The following TNFRSF21 variants were observed in gnomAD, a reference collection of about 807,000 sequenced individuals.
TNFRSF21 encodes the protein TNF receptor superfamily member 21, also known as tumor necrosis factor receptor superfamily member 21.
In TNFRSF21, 19 loss-of-function variants were observed where a neutral mutation model predicts 45.6. The observed-to-expected ratio is 0.42, with a 90% CI of 0.29 to 0.61. The LOEUF (loss-of-function observed/expected upper bound fraction) is 0.61. Among genes scored for constraint, TNFRSF21 ranks in the 20% least tolerant of loss-of-function variants. TNFRSF21 has a pLI of 0.23. For synonymous variants in TNFRSF21, 314 were observed against 335.5 expected (o/e 0.94, Z 0.70); for missense variants, 737 against 851.5 (o/e 0.87, Z 1.67).
At chr6:47,281,599 T>C (rs1457835350) in intron 3 of TNFRSF21, among the ~76,000 whole-genome samples, 1 of 152,142 alleles carries the variant, frequency 6.6e-6, no homozygotes, top group Admixed American at 6.6e-5. Context: ...CAGGCGGGTC[T>C]CAAACTCCTG....
chr6:47,270,096 G>A (rs1648173290), intron 3 of TNFRSF21, among the ~76,000 whole-genome samples: 1 of 152,138 alleles, frequency 6.6e-6, no homozygotes, highest in African/African-American at 2.4e-5. Flanking sequence ...TTTTACTGGG[G>A]AGAGTTATGT....
chr6:47,265,434 T>C (rs904834090), intron 3 of TNFRSF21, among the ~76,000 whole-genome samples: 1 of 152,204 alleles, frequency 6.6e-6, no homozygotes, highest in African/African-American at 2.4e-5. Context: ...TAGACCTTTC[T>C]AGCACCGAGT....
intron 3 of TNFRSF21, among the ~76,000 whole-genome samples, chr6:47,258,025 C>G (rs1264829372): frequency 6.6e-6 from 1 of 152,134 alleles, no homozygotes; most frequent in Non-Finnish European, 1.5e-5. Context: ...TCAAGGCTGG[C>G]CACAGTGTGT....
chr6:47,284,535 G>T (rs1582349644), intron 2 of TNFRSF21, 103 bp from the exon 3 acceptor site: 4 of 1,296,708 alleles, frequency 3.1e-6, no homozygotes, highest in Non-Finnish European at 2.0e-6. Context: ...GATAATCAAA[G>T]ATAAGATGAC....
At chr6:47,273,842 T>C (rs1243926299) in intron 3 of TNFRSF21, among the ~76,000 whole-genome samples, 4 of 152,056 alleles carry the variant, frequency 2.6e-5, no homozygotes, top group African/African-American at 7.2e-5. Context: ...CTATACACCA[T>C]TAACAGACAA....
In TNFRSF21 at chr6:47,304,276, G is replaced by A. The variant is rs528127170; in HGVS notation, c.96+5140C>T. Among the ~76,000 whole-genome samples, 10 of 140,698 alleles carry A rather than the reference G, an allele frequency of 7.1e-5. No individual in the cohort carries two copies. In the South Asian group the frequency reaches 1.9e-3, roughly 26 times the overall value. 92.3% of individuals were successfully genotyped at this position (140,698 alleles called of 152,430 possible). ...ATCTGATAATGCACCGGATCATTTC[G>A]TGTCACCAAAAAAAAACCAAAAAAA... On this transcript the variant is annotated intron_variant, in intron 1 of 5. Transcript: ENST00000296861.
At chr6:47,249,409 T>C (rs1764869180) in intron 4 of TNFRSF21, among the ~76,000 whole-genome samples, 2 of 152,212 alleles carry the variant, frequency 1.3e-5, no homozygotes, top group South Asian at 4.1e-4. Flanking sequence ...TATTTCCAGC[T>C]ATCCTTCAAA....
intron 1 of TNFRSF21, among the ~76,000 whole-genome samples, chr6:47,290,764 G>A (rs937954733): frequency 1.3e-5 from 2 of 152,100 alleles, no homozygotes; most frequent in African/African-American, 2.4e-5. Flanking sequence ...CTCCACAGTC[G>A]GGCCCAGGCT....
At chr6:47,270,955 C>A (rs984363350) in intron 3 of TNFRSF21, among the ~76,000 whole-genome samples, 2 of 151,914 alleles carry the variant, frequency 1.3e-5, no homozygotes, top group Non-Finnish European at 2.9e-5. Context: ...AGCGAGATGA[C>A]AAGGTTAGAG....
At chr6:47,298,532 A>T (rs1453271756) in intron 1 of TNFRSF21, among the ~76,000 whole-genome samples, 1 of 152,190 alleles carries the variant, frequency 6.6e-6, no homozygotes, top group African/African-American at 2.4e-5. Flanking sequence ...CAAGCTAAGA[A>T]TGGTTTTTAC....
chr6:47,291,085 G>A (rs371198841), intron 1 of TNFRSF21, among the ~76,000 whole-genome samples: 23 of 152,336 alleles, frequency 1.5e-4, no homozygotes, highest in African/African-American at 5.5e-4. Flanking sequence ...CCACTCTTAA[G>A]GATGGAGAGG....
At chr6:47,309,380 GCGC>G in intron 1 of TNFRSF21, 33 bp downstream of exon 1, 1 of 1,514,972 alleles carries the variant, frequency 6.6e-7, no homozygotes. Flanking sequence ...TTCTGCTCCG[GCGC>G]CGCCGCCACC....
At chr6:47,272,535 T>A (rs1173582955) in intron 3 of TNFRSF21, among the ~76,000 whole-genome samples, 2 of 152,206 alleles carry the variant, frequency 1.3e-5, no homozygotes, top group African/African-American at 4.8e-5. Flanking sequence ...GGGAAATTTA[T>A]AGCACTAAAC....
chr6:47,301,319 A>G (rs909544480), intron 1 of TNFRSF21, among the ~76,000 whole-genome samples: 1 of 152,250 alleles, frequency 6.6e-6, no homozygotes, highest in African/African-American at 2.4e-5. Context: ...TGAGAAGCTG[A>G]AAAACAATAT....
intron 3 of TNFRSF21, among the ~76,000 whole-genome samples, chr6:47,254,852 T>C (rs1189940009): frequency 6.6e-6 from 1 of 152,234 alleles, no homozygotes; most frequent in Admixed American, 6.5e-5. Context: ...TGAACATCTT[T>C]ATAAGGCATT....
rs181172092 is a variant in TNFRSF21, at chr6:47,293,860, C to T, written c.97-7265G>A. On this transcript the variant is annotated intron_variant, in intron 1 of 5. Coordinates refer to ENST00000296861, the MANE Select transcript of TNFRSF21 (RefSeq NM_014452.5). Reference sequence around the variant, plus strand: ...AAAAACAGGTTTCACAAGATCCCCTCATTCCCATTTTTTCCCCCAGTATGG... The same window carrying T: ...AAAAACAGGTTTCACAAGATCCCCTTATTCCCATTTTTTCCCCCAGTATGG... 3.3e-5 allele frequency among the ~76,000 whole-genome samples: 5 copies of T among 152,350 alleles called. No individual in the cohort carries two copies. The East Asian group carries it at 9.6e-4, about 29-fold the overall frequency.
chr6:47,297,801 A>T (rs1479673604), intron 1 of TNFRSF21, among the ~76,000 whole-genome samples: 2 of 152,126 alleles, frequency 1.3e-5, no homozygotes, highest in African/African-American at 4.8e-5. Context: ...GGCATCACAG[A>T]TGTAAGCCAC....
At chr6:47,300,825 G>C (rs904656435) in intron 1 of TNFRSF21, among the ~76,000 whole-genome samples, 2 of 152,152 alleles carry the variant, frequency 1.3e-5, no homozygotes, top group African/African-American at 2.4e-5. Flanking sequence ...GAAAGCCCAT[G>C]AATAGTTTTT....
intron 1 of TNFRSF21, among the ~76,000 whole-genome samples, chr6:47,299,219 A>T (rs777517145): frequency 4.3e-4 from 65 of 152,166 alleles, no homozygotes; most frequent in Non-Finnish European, 5.9e-4. Flanking sequence ...GGCTGGGTGC[A>T]GTGGCTCACA....
Sources: allele counts gnomAD v4.1 joint callset (sites outside exome capture counted in the v4.1 genomes callset), GRCh38; gene constraint gnomAD v4.1.1; transcripts MANE v1.5; gene names NCBI Gene and HGNC (gene_info 2026-07-23, HGNC 2026-07-21).